The following CSMD1 variants were observed in gnomAD, a reference collection of about 807,000 sequenced individuals.
CSMD1 encodes the protein CUB and Sushi multiple domains 1.
CSMD1 carries 213 observed loss-of-function variants against 417.5 expected under a neutral mutation model. That is an observed-to-expected ratio of 0.51 (90% CI 0.46 to 0.57). The LOEUF (loss-of-function observed/expected upper bound fraction) is 0.57. Among genes scored for constraint, CSMD1 ranks in the 20% least tolerant of loss-of-function variants. The probability of loss-of-function intolerance (pLI) is 0.00; values close to 1 mark genes in which losing one functional copy is unlikely to be tolerated. For synonymous variants in CSMD1, 2,862 were observed against 1,736.8 expected, an observed-to-expected ratio of 1.65 and a Z score of -16.11; for missense variants, 6,923 against 4,529.7, an observed-to-expected ratio of 1.53 and a Z score of -15.17.
At chr8:4,356,907 T>A (rs1002453263) in intron 3 of CSMD1, among the ~76,000 whole-genome samples, 3 of 152,200 alleles carry the variant, frequency 2.0e-5, no homozygotes, top group African/African-American at 7.2e-5. Context: ...CCTTTAAATC[T>A]GAATAAACAT....
chr8:3,984,083 G>C (rs867036981), intron 5 of CSMD1, among the ~76,000 whole-genome samples: 25 of 147,114 alleles, frequency 1.7e-4, no homozygotes, highest in Middle Eastern at 3.6e-3. Context: ...GCACACCACA[G>C]ATCTAACAGG....
chr8:3,738,642 T>C (rs1796644916), intron 6 of CSMD1, among the ~76,000 whole-genome samples: 1 of 152,120 alleles, frequency 6.6e-6, no homozygotes, highest in Non-Finnish European at 1.5e-5. Flanking sequence ...AGAGAAGACA[T>C]GCCTTAGACA....
chr8:4,316,020 T>A (rs935348564), intron 3 of CSMD1, among the ~76,000 whole-genome samples: 1 of 152,174 alleles, frequency 6.6e-6, no homozygotes, highest in African/African-American at 2.4e-5. Context: ...TATTCAGGCA[T>A]TATTGAAATT....
intron 15 of CSMD1, among the ~76,000 whole-genome samples, chr8:3,400,454 C>T (rs1385067057): frequency 1.3e-5 from 2 of 151,788 alleles, no homozygotes; most frequent in Non-Finnish European, 2.9e-5. Flanking sequence ...TCATTTTAGC[C>T]ATGTTTTGAT....
intron 4 of CSMD1, among the ~76,000 whole-genome samples, chr8:4,031,265 G>C (rs778707651): frequency 6.6e-6 from 1 of 152,098 alleles, no homozygotes; most frequent in African/African-American, 2.4e-5. Context: ...ACCTGAGCCT[G>C]GGCAATTTAC....
intron 31 of CSMD1, 151 bp downstream of exon 31, chr8:3,205,353 T>C: frequency 1.8e-6 from 1 of 554,336 alleles, no homozygotes; most frequent in South Asian, 2.2e-5. Flanking sequence ...TTGTGCAGGA[T>C]ATGTTTGGAA....
chr8:3,211,144 A>T (rs1463578829), intron 30 of CSMD1, among the ~76,000 whole-genome samples: 2 of 152,120 alleles, frequency 1.3e-5, no homozygotes, highest in Non-Finnish European at 2.9e-5. Context: ...TTCAGAGCTC[A>T]AGTGATACTC....
At chr8:4,663,674 C>T (rs1804748242) in intron 1 of CSMD1, among the ~76,000 whole-genome samples, 1 of 152,184 alleles carries the variant, frequency 6.6e-6, no homozygotes, top group Admixed American at 6.6e-5. Flanking sequence ...CCTCCCCAGC[C>T]ATGCTTCCGG....
chr8:4,890,134 A>C (rs1274474042), intron 1 of CSMD1, among the ~76,000 whole-genome samples: 1 of 152,118 alleles, frequency 6.6e-6, no homozygotes, highest in Non-Finnish European at 1.5e-5. Flanking sequence ...CTCTAGAAAA[A>C]TCCCATTTTC....
At chr8:3,773,221 G>A (rs1345712908) in intron 5 of CSMD1, among the ~76,000 whole-genome samples, 1 of 152,192 alleles carries the variant, frequency 6.6e-6, no homozygotes, top group Non-Finnish European at 1.5e-5. Flanking sequence ...CACATAATCT[G>A]TCACCAAAGT....
rs538398725 is a variant in CSMD1, at chr8:3,138,023, G to C, written c.6241+4442C>G. Among the ~76,000 whole-genome samples, 9 of 152,300 alleles carry C rather than the reference G, an allele frequency of 5.9e-5. No homozygotes were observed. The East Asian group carries it at 1.2e-3, about 20-fold the overall frequency. Reference sequence around the variant, plus strand: ...GCAAATGACCTGAGGTCAGGAGTTCGAGACCAACCTGGCCAACATGGGTGA... The same window carrying C: ...GCAAATGACCTGAGGTCAGGAGTTCCAGACCAACCTGGCCAACATGGGTGA... On this transcript the variant is annotated intron_variant, in intron 41 of 69. Coordinates refer to ENST00000635120, the MANE Select transcript of CSMD1 (RefSeq NM_033225.6).
chr8:4,048,932 T>C (rs1010088541), intron 3 of CSMD1, among the ~76,000 whole-genome samples: 1 of 152,192 alleles, frequency 6.6e-6, no homozygotes, highest in Admixed American at 6.5e-5. Flanking sequence ...TTTCAAATGC[T>C]GCAAATATTT....
In CSMD1 at chr8:4,140,832, C is replaced by T. The variant is rs545533472; in HGVS notation, c.416-108733G>A. Reference sequence around the variant, plus strand: ...GTAAATGGGCTCAGCACCCTCACTCCAGGTTTCAAATCAAATCTCTGCCCA... The same window carrying T: ...GTAAATGGGCTCAGCACCCTCACTCTAGGTTTCAAATCAAATCTCTGCCCA... On this transcript the variant is annotated intron_variant, in intron 3 of 69. Coordinates refer to ENST00000635120, the MANE Select transcript of CSMD1 (RefSeq NM_033225.6). 1.8e-4 allele frequency among the ~76,000 whole-genome samples: 27 copies of T among 151,006 alleles called. 1 individual carries two copies. Among genetic ancestry groups the T allele is most frequent in the African/African-American group, 2.7e-4 (11 of 40,374 alleles).
At chr8:4,443,896 A>C (rs145001937) in intron 2 of CSMD1, among the ~76,000 whole-genome samples, 2 of 152,212 alleles carry the variant, frequency 1.3e-5, no homozygotes, top group Non-Finnish European at 2.9e-5. Context: ...TCATTTCATC[A>C]CATCTACAGG....
intron 5 of CSMD1, among the ~76,000 whole-genome samples, chr8:3,867,822 C>T (rs114360138): frequency 0.013 from 1,950 of 152,184 alleles, 36 homozygotes; most frequent in African/African-American, 0.043. Flanking sequence ...GACCTTCCCT[C>T]AATTCTAGGC....
intron 26 of CSMD1, among the ~76,000 whole-genome samples, chr8:3,256,871 A>G (rs1262561021): frequency 6.6e-6 from 1 of 152,124 alleles, no homozygotes; most frequent in Non-Finnish European, 1.5e-5. Context: ...TTAGGAGGAG[A>G]TTTTTCAACT....
intron 20 of CSMD1, among the ~76,000 whole-genome samples, chr8:3,366,162 A>G (rs13266298): frequency 0.23 from 34,767 of 152,166 alleles, 4,028 homozygotes; most frequent in Middle Eastern, 0.28. Flanking sequence ...CGTCCAAAGC[A>G]TCATATGCAC....
At chr8:4,105,116 C>T (rs952332570) in intron 3 of CSMD1, among the ~76,000 whole-genome samples, 3 of 152,112 alleles carry the variant, frequency 2.0e-5, no homozygotes, top group African/African-American at 7.2e-5. Context: ...TCCTTAGCTC[C>T]CTACATGTAA....
chr8:3,172,355 C>T lies in CSMD1; in HGVS notation c.5725+8755G>A, dbSNP rs1488596715. 2.6e-5 allele frequency among the ~76,000 whole-genome samples: 4 copies of T among 152,070 alleles called. No individual in the cohort carries two copies. In the South Asian group the frequency reaches 8.3e-4, roughly 31 times the overall value. ...GTTTTTTTCCTAAGTGTTTTTATGG[C>T]TGACTAATGCTCATTTTTTTTCTAG... is the stretch of plus-strand genomic sequence containing the variant. On this transcript the variant is annotated intron_variant, in intron 37 of 69. Coordinates refer to ENST00000635120, the MANE Select transcript of CSMD1 (RefSeq NM_033225.6).
Sources: gnomAD v4.1 joint callset for allele counts (sites outside exome capture counted in the v4.1 genomes callset) on GRCh38, gnomAD v4.1.1 for gene constraint, MANE v1.5 for transcripts, NCBI Gene and HGNC (gene_info 2026-07-23, HGNC 2026-07-21) for gene names.